TRPC7: variants seen among roughly 807,000 people sequenced by gnomAD.
TRPC7 encodes the protein transient receptor potential cation channel subfamily C member 7.
Under a neutral mutation model 90.1 loss-of-function variants are expected in TRPC7, and 42 were observed. The observed-to-expected ratio is 0.47, with a 90% CI of 0.36 to 0.60. The LOEUF is 0.60. Ranked by LOEUF, TRPC7 falls within the 20% of genes least tolerant of loss-of-function variation. The pLI, the probability that TRPC7 is intolerant of heterozygous loss-of-function variation, is 0.00. For synonymous variants in TRPC7, 451 were observed against 436.3 expected, an observed-to-expected ratio of 1.03 and a Z score of -0.42; for missense variants, 955 against 1,112.3, an observed-to-expected ratio of 0.86 and a Z score of 2.01.
At chr5:136,264,838 C>A (rs1384555626) in intron 5 of TRPC7, among the ~76,000 whole-genome samples, 1 of 152,064 alleles carries the variant, frequency 6.6e-6, no homozygotes, top group Non-Finnish European at 1.5e-5. Context: ...TGATCCACCC[C>A]CTTCGGCCTT....
chr5:136,275,798 T>A (rs561162058), intron 3 of TRPC7, among the ~76,000 whole-genome samples: 12 of 152,304 alleles, frequency 7.9e-5, no homozygotes, highest in African/African-American at 2.9e-4. Context: ...AGAGGCAGTC[T>A]ATTTATTTAG....
At chr5:136,216,891 T>C (rs1396786392) in intron 10 of TRPC7, among the ~76,000 whole-genome samples, 6 of 152,234 alleles carry the variant, frequency 3.9e-5, no homozygotes, top group Admixed American at 2.0e-4. Flanking sequence ...GGCCTGACAC[T>C]GTACTGCCGG....
chr5:136,322,744 C>T (rs1292562756), intron 2 of TRPC7, among the ~76,000 whole-genome samples: 1 of 152,184 alleles, frequency 6.6e-6, no homozygotes, highest in Non-Finnish European at 1.5e-5. Flanking sequence ...TAATGCTCCA[C>T]ATCTTTTCCT....
intron 1 of TRPC7, among the ~76,000 whole-genome samples, chr5:136,360,420 A>G (rs1037243915): frequency 2.0e-5 from 3 of 152,230 alleles, no homozygotes; most frequent in Admixed American, 6.5e-5. Flanking sequence ...TAATTTCTGC[A>G]CAAGGGTAGG....
At chr5:136,317,025 C>A (rs1935431459) in intron 2 of TRPC7, among the ~76,000 whole-genome samples, 1 of 152,196 alleles carries the variant, frequency 6.6e-6, no homozygotes, top group African/African-American at 2.4e-5. Context: ...CAAAATGTCA[C>A]TTTGCATTAG....
chr5:136,276,856 C>G (rs1423487977), intron 3 of TRPC7, among the ~76,000 whole-genome samples: 1 of 152,256 alleles, frequency 6.6e-6, no homozygotes, highest in East Asian at 1.9e-4. Context: ...AGTCATAGCA[C>G]AGTCTCAGAG....
chr5:136,281,568 T>G (rs370178325), intron 3 of TRPC7, among the ~76,000 whole-genome samples: 1 of 152,214 alleles, frequency 6.6e-6, no homozygotes, highest in South Asian at 2.1e-4. Context: ...TCTGCAACTC[T>G]GCAGGCCTTG....
chr5:136,285,371 A>C (rs1327432835), intron 3 of TRPC7, among the ~76,000 whole-genome samples: 2 of 152,236 alleles, frequency 1.3e-5, no homozygotes, highest in African/African-American at 4.8e-5. Context: ...AGCATCAGAC[A>C]GTCTCAAAAA....
rs558133368 is a variant in TRPC7 at position 136,234,309 on chromosome 5, T to G, written c.1845-2760A>C. Among the ~76,000 whole-genome samples, 16 of 151,612 alleles carry G rather than the reference T, an allele frequency of 1.1e-4. No homozygotes were observed. The South Asian group carries it at 3.3e-3, about 32-fold the overall frequency. ...TCTTAGACAAACTATACATTTCTTTTCTTTTTTTTTTTTTCTGAGACAGAG... is the reference window on the plus strand; with the variant it reads ...TCTTAGACAAACTATACATTTCTTTGCTTTTTTTTTTTTTCTGAGACAGAG... On this transcript the variant is annotated intron_variant, in intron 7 of 11. Coordinates refer to ENST00000513104, the MANE Select transcript of TRPC7 (RefSeq NM_020389.3).
intron 3 of TRPC7, among the ~76,000 whole-genome samples, chr5:136,302,093 C>A (rs1347132892): frequency 6.6e-6 from 1 of 152,176 alleles, no homozygotes; most frequent in Non-Finnish European, 1.5e-5. Context: ...ATTTCAATTC[C>A]TTTCATTTTC....
chr5:136,343,512 G>A (rs1242849752), intron 2 of TRPC7, among the ~76,000 whole-genome samples: 2 of 152,150 alleles, frequency 1.3e-5, no homozygotes, highest in African/African-American at 4.8e-5. Flanking sequence ...AGAAGAATCT[G>A]AACAGACAGG....
chr5:136,275,330 T>C (rs1245595172), intron 3 of TRPC7, among the ~76,000 whole-genome samples: 1 of 151,996 alleles, frequency 6.6e-6, no homozygotes, highest in Admixed American at 6.6e-5. Flanking sequence ...TTTAATATTC[T>C]TATCTGCAAA....
At chr5:136,222,453 G>A (rs1201615243) in intron 10 of TRPC7, among the ~76,000 whole-genome samples, 3 of 152,216 alleles carry the variant, frequency 2.0e-5, no homozygotes, top group Non-Finnish European at 4.4e-5. Context: ...TTGTAAGAAG[G>A]AGGGGGTGAA....
chr5:136,272,240 C>T (rs753692183), intron 4 of TRPC7, among the ~76,000 whole-genome samples: 1 of 152,162 alleles, frequency 6.6e-6, no homozygotes. Flanking sequence ...AAGTCAGTGA[C>T]CCCTCAGGAG....
chr5:136,284,553 C>G (rs1439307392), intron 3 of TRPC7, among the ~76,000 whole-genome samples: 1 of 152,202 alleles, frequency 6.6e-6, no homozygotes, highest in Non-Finnish European at 1.5e-5. Flanking sequence ...GAGCCAAGCA[C>G]TAGGGACACA....
At chr5:136,354,096 T>A (rs1026565597) in intron 2 of TRPC7, among the ~76,000 whole-genome samples, 1 of 152,252 alleles carries the variant, frequency 6.6e-6, no homozygotes, top group African/African-American at 2.4e-5. Context: ...GCTTGAATTT[T>A]TAAAAAACTT....
chr5:136,292,927 A>T (rs893072192), intron 3 of TRPC7, among the ~76,000 whole-genome samples: 5 of 152,228 alleles, frequency 3.3e-5, no homozygotes, highest in Non-Finnish European at 7.3e-5. Context: ...CCAGCAACAC[A>T]TCAAAAAGCT....
chr5:136,296,460 A>AAGAAATAACACTTTATGCAG (rs1455619957), intron 3 of TRPC7, among the ~76,000 whole-genome samples: 113 of 152,340 alleles, frequency 7.4e-4, no homozygotes, highest in African/African-American at 2.4e-3. Flanking sequence ...ATAACAGAAA[A>AAGAAATAACACTTTATGCAG]GAAGGAAAGA....
At chr5:136,334,515 C>A (rs913532908) in intron 2 of TRPC7, among the ~76,000 whole-genome samples, 2 of 152,216 alleles carry the variant, frequency 1.3e-5, no homozygotes, top group Non-Finnish European at 2.9e-5. Context: ...TGACACTCCT[C>A]TTTGTCACCT....
Sources: gnomAD v4.1 joint callset for allele counts (sites outside exome capture counted in the v4.1 genomes callset) on GRCh38, gnomAD v4.1.1 for gene constraint, MANE v1.5 for transcripts, NCBI Gene and HGNC (gene_info 2026-07-23, HGNC 2026-07-21) for gene names.